Variants in CNTNAP5 observed in about 807,000 individuals in gnomAD.
The protein encoded by CNTNAP5 is contactin-associated protein-like 5.
In CNTNAP5, 72 loss-of-function variants were observed where a neutral mutation model predicts 150.2. The observed-to-expected ratio is 0.48, with a 90% CI of 0.40 to 0.58. The LOEUF (loss-of-function observed/expected upper bound fraction) is 0.58. CNTNAP5 is among the 20% of genes least tolerant of loss of function. The pLI is 0.00. For missense variants in CNTNAP5, 1,636 were observed against 1,626.2 expected, an observed-to-expected ratio of 1.01 and a Z score of -0.10; for synonymous variants, 672 against 619.8, an observed-to-expected ratio of 1.08 and a Z score of -1.25.
chr2:124,730,879 A>G (rs1266456857), intron 13 of CNTNAP5, among the ~76,000 whole-genome samples: 1 of 152,080 alleles, frequency 6.6e-6, no homozygotes. Flanking sequence ...TTCTTCAGAT[A>G]TGGGGCTGTG....
intron 6 of CNTNAP5, among the ~76,000 whole-genome samples, chr2:124,452,140 T>C (rs76686085): frequency 0.033 from 4,988 of 152,130 alleles, 109 homozygotes; most frequent in Middle Eastern, 0.058. Flanking sequence ...GTGGGTAGCC[T>C]AGGACAAGTT....
At chr2:124,214,267 T>C (rs1686097307) in intron 1 of CNTNAP5, among the ~76,000 whole-genome samples, 1 of 152,104 alleles carries the variant, frequency 6.6e-6, no homozygotes, top group Admixed American at 6.6e-5. Context: ...AGGAAATTAG[T>C]AACTCCAAAT....
At chr2:124,471,995 T>A (rs1693529155) in intron 6 of CNTNAP5, among the ~76,000 whole-genome samples, 1 of 152,088 alleles carries the variant, frequency 6.6e-6, no homozygotes. Context: ...TAATTTAAAA[T>A]TTTCCAGAAT....
At chr2:124,582,633 G>T (rs1426266651) in intron 11 of CNTNAP5, among the ~76,000 whole-genome samples, 1 of 152,100 alleles carries the variant, frequency 6.6e-6, no homozygotes, top group Non-Finnish European at 1.5e-5. Context: ...CAGGCTCTGT[G>T]CACTGAGCTG....
At chr2:124,608,728 C>T (rs924526630) in intron 11 of CNTNAP5, among the ~76,000 whole-genome samples, 7 of 151,992 alleles carry the variant, frequency 4.6e-5, no homozygotes, top group African/African-American at 1.2e-4. Flanking sequence ...GGGTGGATCA[C>T]GAGGTCAGGA....
chr2:124,358,367 T>C (rs1201808425), intron 3 of CNTNAP5, among the ~76,000 whole-genome samples: 1 of 152,184 alleles, frequency 6.6e-6, no homozygotes, highest in African/African-American at 2.4e-5. Context: ...AGAGAGGGCA[T>C]CCCTGTCTTG....
At chr2:124,603,356 C>T (rs1436846863) in intron 11 of CNTNAP5, among the ~76,000 whole-genome samples, 4 of 152,092 alleles carry the variant, frequency 2.6e-5, no homozygotes, top group African/African-American at 9.7e-5. Flanking sequence ...GATGGTGTTA[C>T]ATATGTCTTA....
intron 14 of CNTNAP5, among the ~76,000 whole-genome samples, chr2:124,758,218 G>C (rs868441320): frequency 6.6e-6 from 1 of 151,802 alleles, no homozygotes; most frequent in Non-Finnish European, 1.5e-5. Flanking sequence ...GAGTGAGGGA[G>C]GAAGTAAGAA....
chr2:124,602,070 C>T (rs902207799), intron 11 of CNTNAP5, among the ~76,000 whole-genome samples: 10 of 152,170 alleles, frequency 6.6e-5, no homozygotes, highest in African/African-American at 2.2e-4. Context: ...ATCGGCCAGG[C>T]GCGGTGGCTC....
rs1573564082 is a variant in CNTNAP5 at position 124,710,221 on chromosome 2, A to T, written c.2078-37008A>T. ...TGCCAAGACTTCTGACTTTCTAGAA[A>T]GCCCCAAGAAACTCTTTATAATAAA... is the stretch of plus-strand genomic sequence containing the variant. On this transcript the variant is annotated intron_variant, in intron 13 of 23. Coordinates refer to ENST00000682447, the MANE Select transcript of CNTNAP5 (RefSeq NM_001367498.1). Among the ~76,000 whole-genome samples the T allele has an allele frequency of 2.0e-5, 3 of 152,286 alleles. No individual in the cohort carries two copies. The East Asian group carries it at 5.8e-4, about 30-fold the overall frequency.
chr2:124,702,747 A>G (rs945166911), intron 13 of CNTNAP5, among the ~76,000 whole-genome samples: 1 of 152,144 alleles, frequency 6.6e-6, no homozygotes, highest in Non-Finnish European at 1.5e-5. Context: ...AGTAGCTATT[A>G]AAAAGATACA....
chr2:124,035,985 C>T (rs1291999793), intron 1 of CNTNAP5, among the ~76,000 whole-genome samples: 1 of 125,232 alleles, frequency 8.0e-6, no homozygotes, highest in Non-Finnish European at 1.6e-5. Flanking sequence ...ACTGCAGTGG[C>T]GCAATCTCGG....
chr2:124,622,368 C>T (rs974062752), intron 12 of CNTNAP5, among the ~76,000 whole-genome samples: 1 of 152,044 alleles, frequency 6.6e-6, no homozygotes, highest in Non-Finnish European at 1.5e-5. Flanking sequence ...TCCAGTCTAT[C>T]ATTGGTGGGC....
At chr2:124,524,522 A>G (rs1367952335) in intron 9 of CNTNAP5, 70 bp downstream of exon 9, 3 of 1,446,670 alleles carry the variant, frequency 2.1e-6, no homozygotes, top group African/African-American at 1.4e-5. Context: ...TTATTTCACT[A>G]TGATGGTTCT....
chr2:124,459,858 T>C (rs971878192), intron 6 of CNTNAP5, among the ~76,000 whole-genome samples: 3 of 152,106 alleles, frequency 2.0e-5, no homozygotes, highest in Non-Finnish European at 4.4e-5. Flanking sequence ...ATGTCATCCT[T>C]CTTGGTATCT....
chr2:124,895,589 C>A (rs1398624701), intron 21 of CNTNAP5, among the ~76,000 whole-genome samples: 1 of 151,536 alleles, frequency 6.6e-6, no homozygotes, highest in Non-Finnish European at 1.5e-5. Context: ...CTTACCATTT[C>A]ACTTCAGCCT....
chr2:124,590,656 G>A (rs1398569527), intron 11 of CNTNAP5, among the ~76,000 whole-genome samples: 1 of 152,146 alleles, frequency 6.6e-6, no homozygotes. Context: ...CGTAGGCTGT[G>A]CATGGAGATC....
chr2:124,329,739 A>G (rs1689302314), intron 3 of CNTNAP5, among the ~76,000 whole-genome samples: 2 of 152,164 alleles, frequency 1.3e-5, no homozygotes, highest in African/African-American at 4.8e-5. Context: ...GTATTTCAGA[A>G]GGTAGTGTTT....
At chr2:124,331,287 A>G (rs1229030219) in intron 3 of CNTNAP5, among the ~76,000 whole-genome samples, 4 of 152,108 alleles carry the variant, frequency 2.6e-5, no homozygotes, top group Non-Finnish European at 4.4e-5. Flanking sequence ...AAGTTTGCTT[A>G]TATTTGTAGC....
Sources: allele counts gnomAD v4.1 joint callset (sites outside exome capture counted in the v4.1 genomes callset), GRCh38; gene constraint gnomAD v4.1.1; transcripts MANE v1.5; gene names NCBI Gene and HGNC (gene_info 2026-07-23, HGNC 2026-07-21).